Variants in ADCY8 observed in about 807,000 individuals in gnomAD.
ADCY8 encodes adenylate cyclase type 8.
Under a neutral mutation model 119.7 loss-of-function variants are expected in ADCY8, and 51 were observed. That is an observed-to-expected ratio of 0.43 (90% CI 0.34 to 0.54). The LOEUF (loss-of-function observed/expected upper bound fraction) is 0.54, where lower values mean the gene tolerates loss of function less well. ADCY8 is among the 20% of genes least tolerant of loss of function. ADCY8 has a pLI of 0.03. For synonymous variants in ADCY8, 665 were observed against 651.0 expected (o/e 1.02, Z -0.33); for missense variants, 1,383 against 1,598.8 (o/e 0.87, Z 2.30).
In ADCY8 at chr8:130,849,712, G is replaced by A. The variant is rs767845939; in HGVS notation, c.2302C>T (p.Pro768Ser). 6.2e-7 allele frequency: 1 copy of A among 1,613,992 alleles called. No individual in the cohort carries two copies. The highest frequency in any genetic ancestry group is 1.7e-5 in the Admixed American group (1 of 60,026). ...ITTAEDYKCL[P>S]LILRKTCCWI... ...CAGCAAGTTTTCCGGAGGATGAGGG[G>A]CAAACATTTATAATCCTCTGCTGTG... Residue 768 changes from proline (P) to serine (S), a missense_variant, in exon 10 of 18, where the codon CCC becomes TCC. Physicochemically the swap from Pro to Ser is moderately conservative, Grantham distance 74. This residue lies in a region of ADCY8 where 928 missense variants were observed against 1,163.5 expected (regional missense o/e 0.80). Transcript: ENST00000286355.
chr8:131,036,961 C>A (rs1282969793), intron 1 of ADCY8, among the ~76,000 whole-genome samples: 1 of 152,182 alleles, frequency 6.6e-6, no homozygotes, highest in Non-Finnish European at 1.5e-5. Flanking sequence ...AGGTTTTGAG[C>A]ATTCCTTATG....
intron 12 of ADCY8, among the ~76,000 whole-genome samples, chr8:130,836,050 A>G (rs952118869): frequency 1.3e-5 from 2 of 152,234 alleles, no homozygotes; most frequent in African/African-American, 2.4e-5. Context: ...CTGAGCTACT[A>G]TTCAGTCCAA....
At chr8:130,945,235 G>A (rs1321747397) in intron 3 of ADCY8, among the ~76,000 whole-genome samples, 1 of 152,192 alleles carries the variant, frequency 6.6e-6, no homozygotes, top group South Asian at 2.1e-4. Flanking sequence ...ATGGAGAAGG[G>A]GCTGGTAAGC....
At chr8:130,923,063 T>TA (rs1291970620) in intron 5 of ADCY8, among the ~76,000 whole-genome samples, 1 of 152,246 alleles carries the variant, frequency 6.6e-6, no homozygotes, top group African/African-American at 2.4e-5. Flanking sequence ...TTTTCATTAT[T>TA]ACAAATAATT....
chr8:130,892,665 T>TAAAAG (rs1324655469), intron 7 of ADCY8: 2 of 152,278 alleles, frequency 1.3e-5, no homozygotes, highest in Admixed American at 1.3e-4. Flanking sequence ...ACCTCTTGCT[T>TAAAAG]CAGTTCAACC....
At chr8:130,859,056 C>T (rs1817841228) in intron 9 of ADCY8, among the ~76,000 whole-genome samples, 1 of 152,006 alleles carries the variant, frequency 6.6e-6, no homozygotes, top group African/African-American at 2.4e-5. Context: ...AGCCCTGGTT[C>T]CTTTTATTGG....
intron 2 of ADCY8, among the ~76,000 whole-genome samples, chr8:130,960,413 C>G (rs1292730809): frequency 6.6e-6 from 1 of 151,028 alleles, no homozygotes; most frequent in Non-Finnish European, 1.5e-5. Flanking sequence ...GCAGGCATCA[C>G]TAATTGAATG....
chr8:130,911,140 A>AACTC (rs1422803464), intron 5 of ADCY8, among the ~76,000 whole-genome samples: 1 of 152,226 alleles, frequency 6.6e-6, no homozygotes, highest in Non-Finnish European at 1.5e-5. Flanking sequence ...TATTTCTTCC[A>AACTC]ACTCAAGATG....
intron 11 of ADCY8, among the ~76,000 whole-genome samples, chr8:130,847,093 G>C (rs953034907): frequency 6.6e-6 from 1 of 151,814 alleles, no homozygotes; most frequent in African/African-American, 2.4e-5. Context: ...AATGCATAGA[G>C]AAGGAAGAGA....
At chr8:130,975,968 G>A (rs1445016165) in intron 2 of ADCY8, among the ~76,000 whole-genome samples, 1 of 152,120 alleles carries the variant, frequency 6.6e-6, no homozygotes, top group East Asian at 1.9e-4. Flanking sequence ...TATAATTTGT[G>A]ATGGGGGCAG....
chr8:130,908,365 GA>G (rs1440380986), intron 6 of ADCY8, among the ~76,000 whole-genome samples: 1 of 152,150 alleles, frequency 6.6e-6, no homozygotes, highest in African/African-American at 2.4e-5. Context: ...AAATCCTAAA[GA>G]ATGGAAAGAT....
intron 7 of ADCY8, among the ~76,000 whole-genome samples, chr8:130,901,520 G>T (rs1819603225): frequency 6.6e-6 from 1 of 152,108 alleles, no homozygotes; most frequent in Non-Finnish European, 1.5e-5. Context: ...GATGGTCGGG[G>T]CTTCCGTGGA....
At position 130,868,745 on chromosome 8, in the gene ADCY8, G is replaced by A. The variant is rs188958816; in HGVS notation, c.2110-799C>T. On this transcript the variant is annotated intron_variant, in intron 8 of 17. Transcript: ENST00000286355. ...TTAGCCTAAACCAAGCCCCACATTT[G>A]ACCTTAATGAGAGAGAGGACTAGTA... 7.5e-4 allele frequency among the ~76,000 whole-genome samples: 114 copies of A among 152,296 alleles called. 1 individual carries two copies. The highest frequency in any genetic ancestry group is 2.6e-3 in the African/African-American group (109 of 41,558).
chr8:131,036,465 C>G (rs1824157877), intron 1 of ADCY8, among the ~76,000 whole-genome samples: 2 of 152,170 alleles, frequency 1.3e-5, no homozygotes, highest in African/African-American at 4.8e-5. Context: ...CTTCTTCATT[C>G]AGTGACTGTT....
At chr8:130,853,872 A>G (rs1210624692) in intron 9 of ADCY8, among the ~76,000 whole-genome samples, 1 of 152,192 alleles carries the variant, frequency 6.6e-6, no homozygotes, top group Admixed American at 6.5e-5. Flanking sequence ...TTCCTCTGAG[A>G]ATTACTTTTT....
intron 2 of ADCY8, among the ~76,000 whole-genome samples, chr8:130,990,045 C>T (rs1822526369): frequency 6.6e-6 from 1 of 152,154 alleles, no homozygotes; most frequent in Non-Finnish European, 1.5e-5. Context: ...TCTGAAATAA[C>T]ACATTTACAG....
chr8:130,897,257 A>T (rs983900533), intron 7 of ADCY8, among the ~76,000 whole-genome samples: 3 of 152,084 alleles, frequency 2.0e-5, no homozygotes, highest in Non-Finnish European at 4.4e-5. Context: ...TCAGATGAGA[A>T]TTCTTCCTTT....
chr8:130,829,263 G>C (rs939299095), intron 12 of ADCY8, among the ~76,000 whole-genome samples: 1 of 152,116 alleles, frequency 6.6e-6, no homozygotes, highest in African/African-American at 2.4e-5. Flanking sequence ...GTTTAGAGAG[G>C]GTCAAAATCT....
intron 5 of ADCY8, among the ~76,000 whole-genome samples, chr8:130,912,537 AAAAT>A (rs1319575628): frequency 3.3e-5 from 5 of 152,230 alleles, no homozygotes; most frequent in Admixed American, 2.6e-4. Flanking sequence ...TTAAAAGAAA[AAAAT>A]AAATAAAGAA....
Sources: gnomAD v4.1 joint callset for allele counts (sites outside exome capture counted in the v4.1 genomes callset) on GRCh38, gnomAD v4.1.1 for gene constraint, gnomAD v4.1.1 regional missense constraint, MANE v1.5 for transcripts, NCBI Gene and HGNC (gene_info 2026-07-23, HGNC 2026-07-21) for gene names.